The following NCKAP5 variants were observed in gnomAD, a reference collection of about 807,000 sequenced individuals.
NCKAP5 encodes the protein nck-associated protein 5.
A neutral mutation model predicts 167.0 loss-of-function variants in NCKAP5; 92 were observed. That is an observed-to-expected ratio of 0.55 (90% CI 0.47 to 0.66). The LOEUF (loss-of-function observed/expected upper bound fraction) is 0.66. NCKAP5 is among the 30% of genes least tolerant of loss of function. The pLI is 0.00. For missense variants in NCKAP5, 2,378 were observed against 2,315.0 expected (o/e 1.03, Z -0.56); for synonymous variants, 891 against 877.4 (o/e 1.02, Z -0.27).
At chr2:133,206,464 A>AAT (rs1482164237) in intron 5 of NCKAP5, among the ~76,000 whole-genome samples, 1 of 152,136 alleles carries the variant, frequency 6.6e-6, no homozygotes, top group Non-Finnish European at 1.5e-5. Flanking sequence ...CACTTCCCTA[A>AAT]TAATACTCTT....
intron 3 of NCKAP5, among the ~76,000 whole-genome samples, chr2:133,367,813 T>C (rs1052611682): frequency 5.9e-5 from 9 of 152,118 alleles, no homozygotes; most frequent in African/African-American, 1.9e-4. Context: ...TATCAGACTT[T>C]TTACCAACTG....
chr2:132,780,435 C>T (rs1411928942), intron 15 of NCKAP5, among the ~76,000 whole-genome samples: 1 of 152,202 alleles, frequency 6.6e-6, no homozygotes, highest in East Asian at 1.9e-4. Flanking sequence ...CAGGCGTGAG[C>T]CACCGCACCC....
chr2:132,896,901 A>G (rs1040066302), intron 8 of NCKAP5, among the ~76,000 whole-genome samples: 1 of 152,162 alleles, frequency 6.6e-6, no homozygotes, highest in Non-Finnish European at 1.5e-5. Context: ...CTTGCATTTA[A>G]TTACTATGTG....
At chr2:133,071,488 T>TA (rs1281901239) in intron 6 of NCKAP5, among the ~76,000 whole-genome samples, 1 of 152,108 alleles carries the variant, frequency 6.6e-6, no homozygotes, top group Admixed American at 6.5e-5. Flanking sequence ...ACAGTGGCCC[T>TA]AACATGCCAA....
intron 5 of NCKAP5, among the ~76,000 whole-genome samples, chr2:133,146,123 G>T (rs1012703745): frequency 1.3e-5 from 2 of 151,390 alleles, no homozygotes; most frequent in African/African-American, 4.9e-5. Flanking sequence ...AAATGGGAGG[G>T]AAGCAACATC....
chr2:132,880,731 C>T (rs545359590), intron 8 of NCKAP5, among the ~76,000 whole-genome samples: 1 of 152,284 alleles, frequency 6.6e-6, no homozygotes, highest in Admixed American at 6.5e-5. Flanking sequence ...CAAAATATCA[C>T]ATGACCCATA....
intron 2 of NCKAP5, among the ~76,000 whole-genome samples, chr2:133,519,646 A>G (rs1031860607): frequency 6.6e-6 from 1 of 152,198 alleles, no homozygotes; most frequent in African/African-American, 2.4e-5. Context: ...AGCTCATAAT[A>G]GATTGTGCTT....
At chr2:133,315,786 C>T (rs996742973) in intron 3 of NCKAP5, among the ~76,000 whole-genome samples, 10 of 152,088 alleles carry the variant, frequency 6.6e-5, no homozygotes, top group African/African-American at 2.2e-4. Context: ...ATTAGCGGCC[C>T]GACAAAAACA....
chr2:133,153,598 A>C (rs2083457067), intron 5 of NCKAP5, among the ~76,000 whole-genome samples: 1 of 152,098 alleles, frequency 6.6e-6, no homozygotes, highest in South Asian at 2.1e-4. Context: ...CTACCTTCAG[A>C]ATAAAGTTCC....
At chr2:133,544,757 C>G (rs918175843) in intron 2 of NCKAP5, among the ~76,000 whole-genome samples, 1 of 152,188 alleles carries the variant, frequency 6.6e-6, no homozygotes, top group African/African-American at 2.4e-5. Flanking sequence ...AACCAAATTT[C>G]TATTAATCTA....
intron 19 of NCKAP5, among the ~76,000 whole-genome samples, chr2:132,684,762 G>A (rs541959990): frequency 7.2e-5 from 11 of 152,286 alleles, no homozygotes; most frequent in Admixed American, 7.2e-4. Context: ...AGTACTGTAG[G>A]GTTGGGCTGA....
intron 3 of NCKAP5, among the ~76,000 whole-genome samples, chr2:133,366,937 C>T (rs78885734): frequency 0.02 from 3,054 of 152,230 alleles, 92 homozygotes; most frequent in African/African-American, 0.07. Flanking sequence ...ACGTTCACCA[C>T]AGTTTTACTT....
intron 3 of NCKAP5, among the ~76,000 whole-genome samples, chr2:133,364,284 T>C (rs1219358292): frequency 6.6e-6 from 1 of 152,180 alleles, no homozygotes; most frequent in African/African-American, 2.4e-5. Flanking sequence ...TTTCTAAAGA[T>C]AAATGTAATG....
At chr2:133,390,848 G>T (rs1350206124) in intron 3 of NCKAP5, among the ~76,000 whole-genome samples, 6 of 152,176 alleles carry the variant, frequency 3.9e-5, no homozygotes, top group African/African-American at 1.4e-4. Context: ...TGATTCCAGT[G>T]TGTATTCAGG....
intron 3 of NCKAP5, among the ~76,000 whole-genome samples, chr2:133,463,741 G>C (rs1003403540): frequency 3.3e-5 from 5 of 152,140 alleles, no homozygotes; most frequent in African/African-American, 9.7e-5. Flanking sequence ...TGTTTGCTTT[G>C]CCTTGAAAAG....
At chr2:133,595,986 C>T in the NCKAP5 span, 1 of 152,196 alleles carries the variant, frequency 6.6e-6, no homozygotes, top group African/African-American at 2.4e-5. Context: ...TGTATCAAAA[C>T]ATCATACCTA....
intron 16 of NCKAP5, among the ~76,000 whole-genome samples, chr2:132,744,258 T>C (rs971564059): frequency 6.6e-6 from 1 of 151,732 alleles, no homozygotes; most frequent in South Asian, 2.1e-4. Context: ...TGGATTAAGA[T>C]AGACCATATC....
intron 16 of NCKAP5, among the ~76,000 whole-genome samples, chr2:132,746,178 G>C (rs1679627120): frequency 5.3e-5 from 8 of 152,048 alleles, no homozygotes; most frequent in Admixed American, 4.6e-4. Flanking sequence ...CGTTCATTAA[G>C]AGAGTGTGGT....
At chr2:132,681,316 C>T (rs191565726) in intron 19 of NCKAP5, among the ~76,000 whole-genome samples, 18 of 150,310 alleles carry the variant, frequency 1.2e-4, no homozygotes, top group Non-Finnish European at 2.2e-4. Context: ...AATATACATA[C>T]TACTCACTTG....
Sources: gnomAD v4.1 joint callset for allele counts (sites outside exome capture counted in the v4.1 genomes callset) on GRCh38, gnomAD v4.1.1 for gene constraint, MANE v1.5 for transcripts, NCBI Gene and HGNC (gene_info 2026-07-23, HGNC 2026-07-21) for gene names.